PGM2L1: variants seen among roughly 807,000 people sequenced by gnomAD.
The protein encoded by PGM2L1 is phosphoglucomutase 2 like 1.
PGM2L1 carries 35 observed loss-of-function variants against 73.4 expected under a neutral mutation model. The ratio of observed to expected loss-of-function variants is 0.48; its 90% CI spans 0.36 to 0.63. The LOEUF (loss-of-function observed/expected upper bound fraction) is 0.63, where lower values mean the gene tolerates loss of function less well. Among genes scored for constraint, PGM2L1 ranks in the 30% least tolerant of loss-of-function variants. The probability of loss-of-function intolerance (pLI) is 0.00; values close to 1 mark genes in which losing one functional copy is unlikely to be tolerated. For missense variants in PGM2L1, 570 were observed against 742.0 expected (o/e 0.77, Z 2.69); for synonymous variants, 225 against 253.8 (o/e 0.89, Z 1.08).
At chr11:74,372,824 T>G (rs567514912) in intron 2 of PGM2L1, among the ~76,000 whole-genome samples, 23 of 152,334 alleles carry the variant, frequency 1.5e-4, no homozygotes, top group African/African-American at 5.3e-4. Context: ...TGCCTGAGTC[T>G]CTCAAGTACA....
At chr11:74,386,478 A>C (rs558227502) in intron 1 of PGM2L1, among the ~76,000 whole-genome samples, 28 of 151,768 alleles carry the variant, frequency 1.8e-4, no homozygotes, top group Non-Finnish European at 2.4e-4. Flanking sequence ...CAAAAAAAAA[A>C]ACTTTTTTTT....
intron 5 of PGM2L1, among the ~76,000 whole-genome samples, chr11:74,354,203 G>A (rs1346871066): frequency 2.6e-5 from 4 of 151,966 alleles, no homozygotes; most frequent in East Asian, 1.9e-4. Flanking sequence ...ATTTTGTTAC[G>A]TGAGAAAAAT....
rs1484366575 is a variant in PGM2L1, at chr11:74,398,135, C to G, written c.27G>C (p.Leu9=). The change falls in exon 1 of 14, where the codon CTG becomes CTC. Residue 9 remains leucine (L), a synonymous_variant. Coordinates refer to ENST00000298198, the MANE Select transcript of PGM2L1 (RefSeq NM_173582.6). MAENTEGD[L]NSNLLHAPYH... ...AGGGGGCGTGGAGCAGGTTGGAGTT[C>G]AGATCCCCCTCTGTGTTTTCAGCCA... The G allele has an allele frequency of 1.9e-6, 3 of 1,612,740 alleles. No individual in the cohort carries two copies. Among genetic ancestry groups the G allele is most frequent in the Non-Finnish European group, 2.5e-6 (3 of 1,179,330 alleles).
chr11:74,363,238 CAGT>C (rs1862594561), intron 5 of PGM2L1, among the ~76,000 whole-genome samples: 1 of 152,152 alleles, frequency 6.6e-6, no homozygotes, highest in African/African-American at 2.4e-5. Context: ...ACATTTAAAG[CAGT>C]GTGTAGAGGG....
chr11:74,361,498 C>G (rs1219960390), intron 5 of PGM2L1, among the ~76,000 whole-genome samples: 1 of 152,154 alleles, frequency 6.6e-6, no homozygotes, highest in Non-Finnish European at 1.5e-5. Flanking sequence ...CACCTCTCCC[C>G]CTGCAAAGGA....
intron 1 of PGM2L1, among the ~76,000 whole-genome samples, chr11:74,376,057 A>G (rs1862848434): frequency 6.6e-6 from 1 of 152,222 alleles, no homozygotes; most frequent in African/African-American, 2.4e-5. Context: ...AAACTGGGAT[A>G]GTCTTTTTAC....
intron 6 of PGM2L1, among the ~76,000 whole-genome samples, chr11:74,351,137 G>GATAAACC (rs1862345961): frequency 6.6e-6 from 1 of 152,150 alleles, no homozygotes; most frequent in African/African-American, 2.4e-5. Flanking sequence ...TATCCATGTT[G>GATAAACC]TGGTATGTGA....
At chr11:74,397,910 G>A (rs1863203614) in intron 1 of PGM2L1, 141 bp downstream of exon 1, 2 of 1,348,222 alleles carry the variant, frequency 1.5e-6, no homozygotes, top group Non-Finnish European at 1.9e-6. Context: ...GCATAGGTGG[G>A]TGGCAACGCC....
intron 1 of PGM2L1, among the ~76,000 whole-genome samples, chr11:74,388,448 T>A: frequency 6.6e-6 from 1 of 152,228 alleles, no homozygotes; most frequent in East Asian, 1.9e-4. Flanking sequence ...CTCCAGAGTG[T>A]TCCAGTTTAT....
At chr11:74,375,700 A>T (rs573025755) in intron 1 of PGM2L1, among the ~76,000 whole-genome samples, 73 of 152,320 alleles carry the variant, frequency 4.8e-4, no homozygotes, top group South Asian at 8.3e-4. Context: ...TAAAGTAACC[A>T]GAGTACATGG....
At chr11:74,358,979 C>T (rs2134909501) in intron 5 of PGM2L1, among the ~76,000 whole-genome samples, 1 of 152,106 alleles carries the variant, frequency 6.6e-6, no homozygotes, top group South Asian at 2.1e-4. Flanking sequence ...AGTATGTGCA[C>T]CACAAATGCA....
intron 5 of PGM2L1, among the ~76,000 whole-genome samples, chr11:74,361,302 C>A (rs1042039984): frequency 1.3e-5 from 2 of 152,186 alleles, no homozygotes; most frequent in Non-Finnish European, 2.9e-5. Context: ...TGGAGTGGAC[C>A]TCCAGCAAAC....
intron 5 of PGM2L1, among the ~76,000 whole-genome samples, chr11:74,360,552 C>T (rs556624817): frequency 1.3e-5 from 2 of 152,160 alleles, no homozygotes; most frequent in Non-Finnish European, 2.9e-5. Flanking sequence ...GCTCGTTGGA[C>T]AGTGGGGGCA....
intron 1 of PGM2L1, among the ~76,000 whole-genome samples, chr11:74,392,895 C>T (rs1863124114): frequency 1.3e-5 from 2 of 152,294 alleles, no homozygotes; most frequent in South Asian, 2.1e-4. Context: ...TTGTCACTAA[C>T]ATTTATTAAA....
In PGM2L1 at chr11:74,346,785, C is replaced by T; in HGVS notation, c.984G>A (p.Val328=). 1 of 1,614,098 alleles carries T rather than the reference C, an allele frequency of 6.2e-7. No individual in the cohort carries two copies. Among genetic ancestry groups the T allele is most frequent in the Non-Finnish European group, 8.5e-7 (1 of 1,179,976 alleles). The change falls in exon 8 of 14, where the codon GTG becomes GTA. Residue 328 remains valine, a synonymous_variant. Transcript: ENST00000298198. ...RLAEKENARV[V]LATDPDADRL... Reference sequence around the variant, plus strand: ...TGTCTGCATCAGGATCTGTGGCTAGCACTACCCGGGCATTTTCTTTCTCTG... The same window carrying T: ...TGTCTGCATCAGGATCTGTGGCTAGTACTACCCGGGCATTTTCTTTCTCTG...
chr11:74,353,912 C>T (rs568193694), intron 5 of PGM2L1, among the ~76,000 whole-genome samples: 13 of 151,364 alleles, frequency 8.6e-5, no homozygotes, highest in African/African-American at 3.2e-4. Flanking sequence ...TTAAAACAAA[C>T]AAAACTGTTC....
At chr11:74,396,911 T>C (rs907940240) in intron 1 of PGM2L1, among the ~76,000 whole-genome samples, 1 of 152,248 alleles carries the variant, frequency 6.6e-6, no homozygotes, top group South Asian at 2.1e-4. Context: ...GCTTATTTGT[T>C]GGTCTTCCTC....
At chr11:74,371,040 C>A in intron 3 of PGM2L1, 54 bp from the exon 4 acceptor site, 1 of 1,294,414 alleles carries the variant, frequency 7.7e-7, no homozygotes, top group East Asian at 2.4e-5. Flanking sequence ...TTTTAAAAAC[C>A]AACCTTCCAC....
At chr11:74,395,274 ATCTT>A (rs1863155856) in intron 1 of PGM2L1, among the ~76,000 whole-genome samples, 2 of 151,850 alleles carry the variant, frequency 1.3e-5, no homozygotes, top group South Asian at 4.2e-4. Context: ...TATCTATTTC[ATCTT>A]TCTATCTCTC....
Sources: allele counts gnomAD v4.1 joint callset (sites outside exome capture counted in the v4.1 genomes callset), GRCh38; gene constraint gnomAD v4.1.1; transcripts MANE v1.5; gene names NCBI Gene and HGNC (gene_info 2026-07-23, HGNC 2026-07-21).